Variants in LDHAL6A observed in about 807,000 individuals in gnomAD.
LDHAL6A encodes lactate dehydrogenase A like 6A.
Under a neutral mutation model 28.2 loss-of-function variants are expected in LDHAL6A, and 19 were observed. The observed-to-expected ratio is 0.67, with a 90% CI of 0.47 to 0.99. The LOEUF (loss-of-function observed/expected upper bound fraction) is 0.99, where lower values mean the gene tolerates loss of function less well. LDHAL6A is among the 50% of genes least tolerant of loss of function. The pLI is 0.00. For missense variants in LDHAL6A, 372 were observed against 398.6 expected (o/e 0.93, Z 0.57); for synonymous variants, 144 against 134.4 (o/e 1.07, Z -0.49).
At chr11:18,463,931 C>A in intron 1 of LDHAL6A, 30 bp from the exon 2 acceptor site, 2 of 1,384,280 alleles carry the variant, frequency 1.4e-6, no homozygotes, top group Non-Finnish European at 2.1e-6. Flanking sequence ...GAGATACACT[C>A]ACACCCATTG....
At chr11:18,464,156 T>C in intron 2 of LDHAL6A, 78 bp downstream of exon 2, 2 of 1,011,618 alleles carry the variant, frequency 2.0e-6, no homozygotes, top group Non-Finnish European at 3.1e-6. Flanking sequence ...TTATTTCTTT[T>C]GACCTCCCCA....
intron 3 of LDHAL6A, among the ~76,000 whole-genome samples, chr11:18,473,916 TTA>T (rs1228291934): frequency 2.0e-5 from 3 of 152,170 alleles, no homozygotes; most frequent in Non-Finnish European, 4.4e-5. Context: ...GTTCCTAGAT[TTA>T]GTTTTATTTT....
chr11:18,470,911 T>C (rs1849241677), intron 3 of LDHAL6A, among the ~76,000 whole-genome samples: 1 of 152,120 alleles, frequency 6.6e-6, no homozygotes, highest in Admixed American at 6.6e-5. Context: ...GGTCTCAAAC[T>C]CCTAACCCCA....
In LDHAL6A at chr11:18,478,645, T is replaced by C; in HGVS notation, c.835-61T>C. On this transcript the variant is annotated intron_variant, in intron 6 of 6. Coordinates refer to ENST00000280706, the MANE Select transcript of LDHAL6A (RefSeq NM_144972.5). ...CTGTTATTCATTCACCTCCCAACTG[T>C]TGTTTCTCATATTGCAGAACTTTGT... The C allele has an allele frequency of 7.6e-6, 10 of 1,312,480 alleles. No homozygotes were observed. In the South Asian group the frequency reaches 1.1e-4, roughly 14 times the overall value. The allele number at this position is 1,312,480 out of a possible 1,614,324, so 81.3% of individuals were successfully genotyped here.
chr11:18,477,860 G>A, intron 6 of LDHAL6A, 117 bp downstream of exon 6: 1 of 911,350 alleles, frequency 1.1e-6, no homozygotes, highest in Non-Finnish European at 1.6e-6. Flanking sequence ...TCTTCCTGAA[G>A]TCTGTTCTTT....
At chr11:18,470,667 CATTTACCT>C (rs1354917312) in intron 3 of LDHAL6A, among the ~76,000 whole-genome samples, 1 of 151,510 alleles carries the variant, frequency 6.6e-6, no homozygotes, top group African/African-American at 2.4e-5. Flanking sequence ...GCAATACTCA[CATTTACCT>C]ATTTACCTAG....
At chr11:18,466,453 G>A (rs904060681) in intron 3 of LDHAL6A, among the ~76,000 whole-genome samples, 2 of 151,964 alleles carry the variant, frequency 1.3e-5, no homozygotes, top group African/African-American at 4.8e-5. Context: ...AGGAGTTTGA[G>A]AATGGCCTGG....
intron 6 of LDHAL6A, among the ~76,000 whole-genome samples, chr11:18,478,484 C>CGGGAGGCGGAGCTTGCA (rs1849448166): frequency 6.6e-6 from 1 of 151,806 alleles, no homozygotes; most frequent in Non-Finnish European, 1.5e-5. Context: ...GGCGTGAACC[C>CGGGAGGCGGAGCTTGCA]GGGAGGCGGA....
chr11:18,475,191 G>A, intron 3 of LDHAL6A: 1 of 306,954 alleles, frequency 3.3e-6, no homozygotes, highest in Non-Finnish European at 6.0e-6. Flanking sequence ...CTTGATAAGA[G>A]AGTATTTGTT....
chr11:18,457,839 A>AT (rs765740932), intron 1 of LDHAL6A, among the ~76,000 whole-genome samples: 41 of 151,780 alleles, frequency 2.7e-4, no homozygotes, highest in South Asian at 1.3e-3. Flanking sequence ...TGCCCAACAC[A>AT]TTTTTTTTAA....
intron 3 of LDHAL6A, among the ~76,000 whole-genome samples, chr11:18,467,236 G>A (rs1443535394): frequency 6.6e-6 from 1 of 152,166 alleles, no homozygotes; most frequent in African/African-American, 2.4e-5. Flanking sequence ...TTTCGATGCT[G>A]AAGAACTATT....
intron 1 of LDHAL6A, among the ~76,000 whole-genome samples, chr11:18,460,762 AAAAG>A (rs933176045): frequency 2.2e-4 from 33 of 150,428 alleles, no homozygotes; most frequent in African/African-American, 7.0e-4. Context: ...CCTGTCTCAA[AAAAG>A]AAAAAAGGTA....
intron 1 of LDHAL6A, among the ~76,000 whole-genome samples, chr11:18,462,840 AAAAC>A (rs1458896238): frequency 2.7e-5 from 4 of 149,352 alleles, no homozygotes; most frequent in African/African-American, 1.0e-4. Context: ...ATCTCAAAAA[AAAAC>A]AAAAACAAAA....
chr11:18,470,095 A>T (rs1279337776), intron 3 of LDHAL6A, among the ~76,000 whole-genome samples: 1 of 152,058 alleles, frequency 6.6e-6, no homozygotes, highest in Non-Finnish European at 1.5e-5. Context: ...TGCCCAGCTA[A>T]TTTTTGTATT....
At chr11:18,465,554 T>C in intron 2 of LDHAL6A, 83 bp from the exon 3 acceptor site, 1 of 1,117,602 alleles carries the variant, frequency 8.9e-7, no homozygotes, top group Non-Finnish European at 1.3e-6. Context: ...AAACATAGTG[T>C]GGTGATTGAA....
chr11:18,459,192 C>T (rs1207272649), intron 1 of LDHAL6A, among the ~76,000 whole-genome samples: 2 of 152,138 alleles, frequency 1.3e-5, no homozygotes, highest in African/African-American at 2.4e-5. Flanking sequence ...GAGGCAAACC[C>T]ACCCTCAATC....
At chr11:18,469,058 A>AT in intron 3 of LDHAL6A, 1 of 435,796 alleles carries the variant, frequency 2.3e-6, no homozygotes, top group Non-Finnish European at 4.1e-6. Context: ...AGTATTTTAT[A>AT]TTTTCTTACA....
chr11:18,461,373 G>A (rs1021392226), intron 1 of LDHAL6A, among the ~76,000 whole-genome samples: 9 of 143,742 alleles, frequency 6.3e-5, no homozygotes, highest in African/African-American at 2.3e-4. Context: ...TCGAACTCCT[G>A]AGCTCATGAT....
chr11:18,465,556 G>A, intron 2 of LDHAL6A, 81 bp from the exon 3 acceptor site: 1 of 1,141,754 alleles, frequency 8.8e-7, no homozygotes, highest in Non-Finnish European at 1.3e-6. Context: ...ACATAGTGTG[G>A]TGATTGAAGT....
Sources: allele counts gnomAD v4.1 joint callset (sites outside exome capture counted in the v4.1 genomes callset), GRCh38; gene constraint gnomAD v4.1.1; transcripts MANE v1.5; gene names NCBI Gene and HGNC (gene_info 2026-07-23, HGNC 2026-07-21).